AFF2: variants seen among roughly 807,000 people sequenced by gnomAD.
AFF2 encodes ALF transcription elongation factor 2.
Under a neutral mutation model 76.9 loss-of-function variants are expected in AFF2, and 14 were observed. The ratio of observed to expected loss-of-function variants is 0.18; its 90% confidence interval spans 0.12 to 0.28. AFF2 has a LOEUF of 0.28. AFF2 is among the 10% of genes least tolerant of loss of function. The pLI, the probability that AFF2 is intolerant of heterozygous loss-of-function variation, is 1.00. For missense variants in AFF2, 868 were observed against 1,001.1 expected, an observed-to-expected ratio of 0.87 and a Z score of 1.79; for synonymous variants, 398 against 366.7, an observed-to-expected ratio of 1.09 and a Z score of -0.98.
At chrX:148,953,493 A>G in intron 9 of AFF2, 87 bp from the exon 10 acceptor site, 3 of 1,021,830 alleles carry the variant, frequency 2.9e-6, no homozygotes, top group Non-Finnish European at 4.0e-6. Context: ...TGCATTTCAC[A>G]GACCACAGGC....
At chrX:148,900,246 T>C (rs1557280744) in intron 8 of AFF2, among the ~76,000 whole-genome samples, 1 of 111,353 alleles carries the variant, frequency 9.0e-6, no homozygotes, top group East Asian at 2.8e-4. Flanking sequence ...TTTCCTTCCT[T>C]CCTTCTTTCT....
chrX:148,839,279 A>G (rs2070567406), intron 5 of AFF2, among the ~76,000 whole-genome samples: 1 of 112,130 alleles, frequency 8.9e-6, no homozygotes, highest in South Asian at 3.7e-4. Context: ...TGGTGAAAGC[A>G]AGAAGTCTAC....
intron 8 of AFF2, among the ~76,000 whole-genome samples, chrX:148,886,648 G>A (rs782220328): frequency 6.2e-4 from 69 of 112,060 alleles, no homozygotes; most frequent in African/African-American, 1.9e-3. Context: ...TCATGAGAAC[G>A]GCAACCTAGT....
chrX:148,912,328 C>G (rs1216663493), intron 9 of AFF2, among the ~76,000 whole-genome samples: 2 of 111,695 alleles, frequency 1.8e-5, no homozygotes, highest in African/African-American at 6.5e-5. Flanking sequence ...GTTCCCCTCC[C>G]TGTGTCCACG....
chrX:148,784,568 T>A (rs183042978), intron 3 of AFF2, among the ~76,000 whole-genome samples: 1 of 111,698 alleles, frequency 9.0e-6, no homozygotes, highest in East Asian at 2.8e-4. Context: ...TACCTAATGC[T>A]ACGGTGCATT....
At chrX:148,750,424 C>T (rs1054036883) in intron 3 of AFF2, among the ~76,000 whole-genome samples, 26 of 111,726 alleles carry the variant, frequency 2.3e-4, no homozygotes, top group Non-Finnish European at 3.9e-4. Flanking sequence ...GCTCTCATCC[C>T]GCCTGTCTGT....
At chrX:148,835,636 C>T (rs2070514563) in intron 4 of AFF2, among the ~76,000 whole-genome samples, 1 of 109,100 alleles carries the variant, frequency 9.2e-6, no homozygotes, top group East Asian at 2.9e-4. Flanking sequence ...AGGCGCGCAC[C>T]ACCATGCCCA....
At chrX:148,686,395 CTTCA>C (rs1293130474) in intron 3 of AFF2, among the ~76,000 whole-genome samples, 2 of 111,718 alleles carry the variant, frequency 1.8e-5, no homozygotes, top group Non-Finnish European at 3.8e-5. Flanking sequence ...TTTGTTCTTC[CTTCA>C]TTTAGACTGA....
At chrX:148,642,716 T>G (rs1241223536) in intron 1 of AFF2, among the ~76,000 whole-genome samples, 1 of 111,577 alleles carries the variant, frequency 9.0e-6, no homozygotes, top group African/African-American at 3.3e-5. Flanking sequence ...CTGAGCAGGG[T>G]ACTATGCCTG....
intron 8 of AFF2, among the ~76,000 whole-genome samples, chrX:148,890,024 A>G (rs187875991): frequency 2.8e-3 from 309 of 111,947 alleles, no homozygotes; most frequent in Admixed American, 4.4e-3. Context: ...GAGATGCTAC[A>G]TATATTTACT....
chrX:148,815,561 G>A (rs1259274760), intron 4 of AFF2, among the ~76,000 whole-genome samples: 7 of 111,792 alleles, frequency 6.3e-5, no homozygotes, highest in African/African-American at 2.3e-4. Flanking sequence ...AACAATGCAG[G>A]TAAGCCATCC....
At chrX:148,892,804 C>T (rs1557279919) in intron 8 of AFF2, among the ~76,000 whole-genome samples, 1 of 111,687 alleles carries the variant, frequency 9.0e-6, no homozygotes, top group Non-Finnish European at 1.9e-5. Flanking sequence ...ACAGTTCTCC[C>T]TCGTCATACT....
intron 1 of AFF2, among the ~76,000 whole-genome samples, chrX:148,566,402 T>C (rs1430873225): frequency 1.9e-5 from 2 of 105,154 alleles, no homozygotes; most frequent in African/African-American, 6.9e-5. Flanking sequence ...TGGATGGTCA[T>C]GAATACCAAA....
intron 9 of AFF2, among the ~76,000 whole-genome samples, chrX:148,926,061 G>A (rs1412959500): frequency 1.1e-4 from 12 of 112,200 alleles, no homozygotes; most frequent in Non-Finnish European, 2.1e-4. Context: ...CATATGGTAA[G>A]TGCTGGATAA....
At position 148,812,125 on chromosome X, in the gene AFF2, T is replaced by C. The variant is rs1011072684; in HGVS notation, c.1086+2205T>C. ...TTTATGACTAATTGTTAAATTTTTA[T>C]AGACCACCTTGCATGTCACAATAGA... is the stretch of plus-strand genomic sequence containing the variant. On this transcript the variant is annotated intron_variant, in intron 4 of 20. Transcript: ENST00000370460. 3.6e-5 allele frequency among the ~76,000 whole-genome samples: 4 copies of C among 111,743 alleles called. No individual in the cohort carries two copies. The East Asian group carries it at 8.5e-4, about 24-fold the overall frequency.
At chrX:148,931,034 C>T (rs368455860) in intron 9 of AFF2, among the ~76,000 whole-genome samples, 65 of 110,745 alleles carry the variant, frequency 5.9e-4, no homozygotes, top group African/African-American at 2.0e-3. Flanking sequence ...GGGTGGATCA[C>T]GTGAGGTCAG....
At chrX:148,985,311 T>A (rs1270819018) in intron 19 of AFF2, among the ~76,000 whole-genome samples, 9 of 74,208 alleles carry the variant, frequency 1.2e-4, no homozygotes, top group Non-Finnish European at 7.7e-5. Flanking sequence ...TTTTTTTTTT[T>A]TTTTTTTTAT....
rs1168909248 is a variant in AFF2, at chrX:148,641,236, T to C, written c.48-10763T>C. 3.6e-5 allele frequency among the ~76,000 whole-genome samples: 4 copies of C among 112,357 alleles called. No homozygotes were observed. The Admixed American group carries it at 3.8e-4, about 11-fold the overall frequency. Reference sequence around the variant, plus strand: ...TATTAATTAATATTTTGTCAACATTTGTCAGTGAACTTAGGTAGAAAAATA... The same window carrying C: ...TATTAATTAATATTTTGTCAACATTCGTCAGTGAACTTAGGTAGAAAAATA... On this transcript the variant is annotated intron_variant, in intron 1 of 20. Transcript: ENST00000370460.
chrX:148,921,315 A>G (rs782585755), intron 9 of AFF2, among the ~76,000 whole-genome samples: 47 of 112,197 alleles, frequency 4.2e-4, no homozygotes, highest in African/African-American at 1.4e-3. Context: ...TCATTGGCTT[A>G]TATATTCACA....
Sources: allele counts gnomAD v4.1 joint callset (sites outside exome capture counted in the v4.1 genomes callset), GRCh38; gene constraint gnomAD v4.1.1; transcripts MANE v1.5; gene names NCBI Gene and HGNC (gene_info 2026-07-23, HGNC 2026-07-21).